Variants in PDE4D observed in about 807,000 individuals in gnomAD.
PDE4D encodes phosphodiesterase 4D.
PDE4D carries 24 observed loss-of-function variants against 87.4 expected under a neutral mutation model. The observed-to-expected ratio is 0.27, with a 90% CI of 0.20 to 0.39. The LOEUF is 0.39. PDE4D is among the 10% of genes least tolerant of loss of function. The pLI is 1.00. For missense variants in PDE4D, 714 were observed against 1,041.0 expected (o/e 0.69, Z 4.32); for synonymous variants, 384 against 383.2 (o/e 1.00, Z -0.02).
At chr5:59,409,063 G>C (rs565735764) in intron 1 of PDE4D, among the ~76,000 whole-genome samples, 1 of 151,398 alleles carries the variant, frequency 6.6e-6, no homozygotes, top group East Asian at 2.0e-4. Context: ...CAGGAGAATC[G>C]CTTGAACCCA....
chr5:59,105,060 C>A (rs151301129), intron 5 of PDE4D, among the ~76,000 whole-genome samples: 7 of 152,326 alleles, frequency 4.6e-5, no homozygotes, highest in African/African-American at 1.7e-4. Flanking sequence ...AAATCACCAT[C>A]CCTCACATGT....
chr5:59,271,303 T>G (rs1006160166), intron 1 of PDE4D, among the ~76,000 whole-genome samples: 2 of 152,098 alleles, frequency 1.3e-5, no homozygotes, highest in Non-Finnish European at 2.9e-5. Flanking sequence ...CCTCCTAAAT[T>G]GCAGGTATTA....
intron 5 of PDE4D, among the ~76,000 whole-genome samples, chr5:59,137,850 A>T (rs1278810774): frequency 1.3e-5 from 2 of 152,218 alleles, no homozygotes; most frequent in South Asian, 2.1e-4. Flanking sequence ...TTCAAGAGAG[A>T]AAAACGCCAA....
chr5:59,554,283 T>C (rs1818556551), intron 1 of PDE4D, among the ~76,000 whole-genome samples: 1 of 152,214 alleles, frequency 6.6e-6, no homozygotes, highest in South Asian at 2.1e-4. Flanking sequence ...CTAAGAACTT[T>C]ATATGTATCA....
intron 1 of PDE4D, among the ~76,000 whole-genome samples, chr5:59,409,951 G>A (rs781388242): frequency 5.9e-5 from 9 of 151,992 alleles, no homozygotes; most frequent in Non-Finnish European, 1.0e-4. Context: ...TGAGTACATA[G>A]TAAGTATATG....
intron 1 of PDE4D, among the ~76,000 whole-genome samples, chr5:59,507,519 G>T (rs1476813017): frequency 2.0e-5 from 3 of 151,534 alleles, no homozygotes; most frequent in Non-Finnish European, 4.4e-5. Context: ...AATAAAATTA[G>T]CCAGGTGTGG....
chr5:59,138,938 A>C (rs914764885), intron 5 of PDE4D, among the ~76,000 whole-genome samples: 1 of 152,216 alleles, frequency 6.6e-6, no homozygotes, highest in Non-Finnish European at 1.5e-5. Context: ...GGAATGCTTA[A>C]ATTCGGGAGA....
chr5:60,156,987 A>C (rs1352835884), intron 2 of PDE4D, among the ~76,000 whole-genome samples: 1 of 152,138 alleles, frequency 6.6e-6, no homozygotes, highest in African/African-American at 2.4e-5. Context: ...GTGCAGCAAA[A>C]GATATTTTTT....
intron 1 of PDE4D, among the ~76,000 whole-genome samples, chr5:59,687,914 C>T (rs1010665887): frequency 6.6e-6 from 1 of 152,088 alleles, no homozygotes; most frequent in African/African-American, 2.4e-5. Flanking sequence ...GGTGGGGTTG[C>T]AATCCTAGTC....
intron 1 of PDE4D, among the ~76,000 whole-genome samples, chr5:60,464,504 C>G (rs1345431522): frequency 6.6e-6 from 1 of 152,152 alleles, no homozygotes; most frequent in Non-Finnish European, 1.5e-5. Flanking sequence ...GTTAAAAAAA[C>G]TCTACTCCTC....
At chr5:59,955,946 C>T (rs1758782842) in intron 3 of PDE4D, among the ~76,000 whole-genome samples, 1 of 152,136 alleles carries the variant, frequency 6.6e-6, no homozygotes, top group Non-Finnish European at 1.5e-5. Flanking sequence ...GTGTTTCAAA[C>T]AGGAGGTTGT....
At chr5:60,310,830 G>A (rs1171167066) in intron 1 of PDE4D, among the ~76,000 whole-genome samples, 5 of 151,992 alleles carry the variant, frequency 3.3e-5, no homozygotes, top group Non-Finnish European at 7.4e-5. Context: ...ATCTTTTTAT[G>A]CCTTTTGTAC....
chr5:59,604,733 G>A (rs183694786), intron 1 of PDE4D, among the ~76,000 whole-genome samples: 26 of 151,966 alleles, frequency 1.7e-4, no homozygotes, highest in Admixed American at 3.9e-4. Flanking sequence ...TATCACATTC[G>A]TTTAAGATTT....
chr5:60,138,103 A>G (rs550303132), intron 2 of PDE4D, among the ~76,000 whole-genome samples: 2 of 152,024 alleles, frequency 1.3e-5, no homozygotes, highest in South Asian at 2.1e-4. Context: ...GTGGGTATGC[A>G]GTCTTGTTTC....
intron 1 of PDE4D, among the ~76,000 whole-genome samples, chr5:59,401,478 A>ATCTGTCTGTCTGTCTG (rs74715038): frequency 0.03 from 4,503 of 150,974 alleles, 102 homozygotes; most frequent in Admixed American, 0.057. Context: ...CTATCTATCT[A>ATCTGTCTGTCTGTCTG]TCTATCTATT....
chr5:59,408,336 C>A (rs1329571244), intron 1 of PDE4D, among the ~76,000 whole-genome samples: 1 of 152,160 alleles, frequency 6.6e-6, no homozygotes, highest in African/African-American at 2.4e-5. Flanking sequence ...TGGTATTAAG[C>A]CTTCAGATAG....
chr5:59,635,945 A>G (rs1476109459), intron 1 of PDE4D, among the ~76,000 whole-genome samples: 9 of 152,148 alleles, frequency 5.9e-5, no homozygotes, highest in Admixed American at 3.9e-4. Flanking sequence ...ATGTTAAATT[A>G]TCTCTCTTTG....
chr5:58,973,685 A>AAAG lies in PDE4D; in HGVS notation c.*976_*978dup, dbSNP rs2153299517. On this transcript the variant is annotated 3_prime_UTR_variant, in exon 15 of 15. Coordinates refer to ENST00000340635, the MANE Select transcript of PDE4D (RefSeq NM_001104631.2). ...AGACACATTTGATATAACACACATA[A>AAAG]AAGTATTATAGAACAAATAGTCACT... 1 of 152,790 alleles carries AAAG rather than the reference A, an allele frequency of 6.5e-6. No individual in the cohort carries two copies. The highest frequency in any genetic ancestry group is 2.1e-4 in the South Asian group (1 of 4,834). The allele number at this position is 152,790 out of a possible 1,614,324, so 9.5% of individuals were successfully genotyped here. A position where few individuals can be genotyped will look rare whatever the true frequency, so the allele number is the denominator to read the frequency against.
intron 1 of PDE4D, among the ~76,000 whole-genome samples, chr5:60,404,350 G>A (rs1022301196): frequency 3.3e-5 from 5 of 151,174 alleles, no homozygotes; most frequent in African/African-American, 7.3e-5. Flanking sequence ...AATGGGCTTT[G>A]TTAACCTGAA....
Sources: gnomAD v4.1 joint callset for allele counts (sites outside exome capture counted in the v4.1 genomes callset) on GRCh38, gnomAD v4.1.1 for gene constraint, MANE v1.5 for transcripts, NCBI Gene and HGNC (gene_info 2026-07-23, HGNC 2026-07-21) for gene names.